Variants in PTK2B observed in about 807,000 individuals in gnomAD.
PTK2B encodes protein tyrosine kinase 2 beta, also known as protein-tyrosine kinase 2-beta.
Under a neutral mutation model 142.9 loss-of-function variants are expected in PTK2B, and 71 were observed. The observed-to-expected ratio is 0.50, with a 90% CI of 0.41 to 0.61. The LOEUF is 0.61. Among genes scored for constraint, PTK2B ranks in the 20% least tolerant of loss-of-function variants. The probability of loss-of-function intolerance (pLI) is 0.00; values close to 1 mark genes in which losing one functional copy is unlikely to be tolerated. For synonymous variants in PTK2B, 519 were observed against 503.4 expected (o/e 1.03, Z -0.42); for missense variants, 1,105 against 1,320.4 (o/e 0.84, Z 2.53).
chr8:27,330,891 C>T (rs1803707332), intron 1 of PTK2B, among the ~76,000 whole-genome samples: 1 of 152,176 alleles, frequency 6.6e-6, no homozygotes, highest in South Asian at 2.1e-4. Flanking sequence ...CTTTTCCCAG[C>T]ACTAAGGTGG....
intron 1 of PTK2B, among the ~76,000 whole-genome samples, chr8:27,337,571 G>T (rs111625034): frequency 1.1e-4 from 17 of 152,314 alleles, no homozygotes; most frequent in African/African-American, 3.9e-4. Context: ...TTATGGATCT[G>T]CCTTTTCTGG....
chr8:27,326,368 G>A (rs1010800958), intron 1 of PTK2B, among the ~76,000 whole-genome samples: 1 of 152,112 alleles, frequency 6.6e-6, no homozygotes, highest in African/African-American at 2.4e-5. Flanking sequence ...CGTGGGCACC[G>A]CTTTGGGTGG....
chr8:27,437,682 G>T, intron 17 of PTK2B, 83 bp from the exon 18 acceptor site: 2 of 1,396,262 alleles, frequency 1.4e-6, no homozygotes, highest in South Asian at 2.5e-5. Context: ...CCAGGGAAGG[G>T]TCAGGGGTTG....
intron 1 of PTK2B, among the ~76,000 whole-genome samples, chr8:27,386,104 T>C (rs1196200321): frequency 6.6e-6 from 1 of 152,218 alleles, no homozygotes; most frequent in East Asian, 1.9e-4. Flanking sequence ...CTAATCAGTA[T>C]GTAAATTTCA....
intron 2 of PTK2B, among the ~76,000 whole-genome samples, chr8:27,410,844 G>A (rs1809014771): frequency 6.6e-6 from 1 of 152,230 alleles, no homozygotes. Context: ...GGCAAAGGTA[G>A]TTTGAAGTCT....
In PTK2B at chr8:27,439,094, T is replaced by C; in HGVS notation, c.1707T>C (p.Gly569=). 1 of 1,613,938 alleles carries C rather than the reference T, an allele frequency of 6.2e-7. No individual in the cohort carries two copies. The highest frequency in any genetic ancestry group is 8.5e-7 in the Non-Finnish European group (1 of 1,179,904). ...SPECVKLGDF[G]LSRYIEDEDY... Reference sequence around the variant, plus strand: ...AGTGTGTGAAGCTGGGGGACTTTGGTCTTTCCCGGTACATTGAGGACGAGG... The same window carrying C: ...AGTGTGTGAAGCTGGGGGACTTTGGCCTTTCCCGGTACATTGAGGACGAGG... Residue 569 remains glycine (G), a synonymous_variant, in exon 19 of 31, where the codon GGT becomes GGC. Transcript: ENST00000346049.
chr8:27,451,588 G>A (rs1444045228), intron 27 of PTK2B, 79 bp downstream of exon 27: 2 of 1,608,226 alleles, frequency 1.2e-6, no homozygotes, highest in African/African-American at 1.3e-5. Flanking sequence ...ACCGCCCAGG[G>A]CAGGGAGCAG....
At chr8:27,325,169 G>A (rs75316047), upstream of PTK2B, among the ~76,000 whole-genome samples, 1 of 152,178 alleles carries the variant, frequency 6.6e-6, no homozygotes, top group Non-Finnish European at 1.5e-5. Flanking sequence ...ACTGCGGGGG[G>A]TCTTGGGAGA....
rs774287585 is a variant in PTK2B, at chr8:27,450,822, G to A, written c.2414G>A (p.Arg805Gln). ...QLWEAEKVKM[R>Q]QILDKQQKQM... ...TGGGAGGCTGAAAAGGTCAAAATGC[G>A]GCAAATCCTGGACAAACAGCAGAAG... Residue 805 changes from arginine to glutamine, a missense_variant, in exon 25 of 31, where the codon CGG becomes CAG. Transcript: ENST00000346049. 27 of 1,614,018 alleles carry A rather than the reference G, an allele frequency of 1.7e-5. No homozygotes were observed. The highest frequency in any genetic ancestry group is 1.6e-4 in the Middle Eastern group (1 of 6,084).
intron 1 of PTK2B, among the ~76,000 whole-genome samples, chr8:27,348,347 ACT>A (rs1325540032): frequency 6.6e-6 from 1 of 151,930 alleles, no homozygotes; most frequent in African/African-American, 2.4e-5. Flanking sequence ...GCATGACAGG[ACT>A]CTCCTAAATT....
rs2131409712 is a variant in PTK2B at position 27,397,648 on chromosome 8, C to T, written c.64C>T (p.Pro22Ser). Reference protein sequence around the residue: ...KLGTLRRPEGPAEPMVVVPVD... With the variant: ...KLGTLRRPEGSAEPMVVVPVD... ...GGGCACGTTACGCCGGCCTGAAGGC[C>T]CTGCAGAGCCCATGGTGGTGGTACC... Residue 22 changes from proline (P) to serine (S), a missense_variant, in exon 2 of 31, where the codon CCT (proline) becomes TCT (serine). Physicochemically the swap from Pro to Ser is moderately conservative, Grantham distance 74. Transcript: ENST00000346049. The T allele has an allele frequency of 6.2e-7, 1 of 1,614,222 alleles. No homozygotes were observed. Among genetic ancestry groups the T allele is most frequent in the Non-Finnish European group, 8.5e-7 (1 of 1,180,032 alleles).
intron 1 of PTK2B, among the ~76,000 whole-genome samples, chr8:27,385,260 C>T (rs1439497349): frequency 6.6e-6 from 1 of 152,156 alleles, no homozygotes; most frequent in Non-Finnish European, 1.5e-5. Flanking sequence ...GAAGTGAGCC[C>T]TTTGGCATGG....
intron 3 of PTK2B, among the ~76,000 whole-genome samples, chr8:27,316,309 G>A (rs1265954153): frequency 1.4e-5 from 2 of 147,308 alleles, no homozygotes; most frequent in African/African-American, 5.0e-5. Flanking sequence ...TTTTTTTTCT[G>A]AAACAGTGAA....
chr8:27,353,122 A>G (rs1431538755), intron 1 of PTK2B, among the ~76,000 whole-genome samples: 1 of 152,242 alleles, frequency 6.6e-6, no homozygotes, highest in Non-Finnish European at 1.5e-5. Flanking sequence ...CTTGGGATTA[A>G]AGGGGATTAA....
rs371261605 is a variant in PTK2B at position 27,434,998 on chromosome 8, C to CA, written c.1192+451dup. Among the ~76,000 whole-genome samples, 628 of 142,722 alleles carry CA rather than the reference C, an allele frequency of 4.4e-3. 3 individuals carry two copies. The highest frequency in any genetic ancestry group is 0.013 in the African/African-American group (520 of 38,862). 93.6% of individuals were successfully genotyped at this position (142,722 alleles called of 152,430 possible). A position where few individuals can be genotyped will look rare whatever the true frequency, so the allele number is the denominator to read the frequency against. On this transcript the variant is annotated intron_variant, in intron 13 of 30. Coordinates refer to ENST00000346049, the MANE Select transcript of PTK2B (RefSeq NM_173176.3). ...CTGTCAACCCAGCAAGACTCCATCTCAAAAAAAAAAAATCATGAGTAGTAA... is the reference window on the plus strand; with the variant it reads ...CTGTCAACCCAGCAAGACTCCATCTCAAAAAAAAAAAAATCATGAGTAGTAA...
chr8:27,320,036 A>G (rs1803177238), intron 3 of PTK2B, among the ~76,000 whole-genome samples: 2 of 152,110 alleles, frequency 1.3e-5, no homozygotes, highest in Non-Finnish European at 2.9e-5. Flanking sequence ...GCCAGCCTGT[A>G]TACTGGGAGG....
At chr8:27,334,976 C>T (rs1803973667) in intron 1 of PTK2B, among the ~76,000 whole-genome samples, 1 of 152,206 alleles carries the variant, frequency 6.6e-6, no homozygotes, top group Non-Finnish European at 1.5e-5. Context: ...TTTCTCTCCT[C>T]CTCCTACTGT....
At chr8:27,377,635 C>T (rs183077091) in intron 1 of PTK2B, among the ~76,000 whole-genome samples, 8 of 152,268 alleles carry the variant, frequency 5.3e-5, no homozygotes, top group East Asian at 1.9e-4. Context: ...GGGCCACCTC[C>T]GGAGGCAGGA....
chr8:27,435,186 G>C (rs1278404644), intron 13 of PTK2B, among the ~76,000 whole-genome samples: 1 of 152,166 alleles, frequency 6.6e-6, no homozygotes, highest in Non-Finnish European at 1.5e-5. Context: ...ATCTGGTGAG[G>C]GCTTTCATCC....
Sources: allele counts gnomAD v4.1 joint callset (sites outside exome capture counted in the v4.1 genomes callset), GRCh38; gene constraint gnomAD v4.1.1; transcripts MANE v1.5; gene names NCBI Gene and HGNC (gene_info 2026-07-23, HGNC 2026-07-21).